Variants in CDH20 observed in about 807,000 individuals in gnomAD.
CDH20 encodes the protein cadherin 20.
Under a neutral mutation model 74.2 loss-of-function variants are expected in CDH20, and 29 were observed. The ratio of observed to expected loss-of-function variants is 0.39; its 90% CI spans 0.29 to 0.53. CDH20 has a LOEUF of 0.53. Ranked by LOEUF, CDH20 falls within the 20% of genes least tolerant of loss-of-function variation. The pLI, the probability that CDH20 is intolerant of heterozygous loss-of-function variation, is 0.69. For synonymous variants in CDH20, 469 were observed against 405.4 expected, an observed-to-expected ratio of 1.16 and a Z score of -1.88; for missense variants, 988 against 1,048.3, an observed-to-expected ratio of 0.94 and a Z score of 0.79.
intron 11 of CDH20, among the ~76,000 whole-genome samples, chr18:61,551,677 C>G (rs572444266): frequency 5.1e-4 from 78 of 152,270 alleles, no homozygotes; most frequent in African/African-American, 1.8e-3. Flanking sequence ...TAAAACCTCC[C>G]TGCAATTCCT....
At chr18:61,355,139 T>G (rs1333408354) in intron 1 of CDH20, among the ~76,000 whole-genome samples, 2 of 152,248 alleles carry the variant, frequency 1.3e-5, no homozygotes, top group Non-Finnish European at 1.5e-5. Context: ...GATGAAAGTT[T>G]ACCTTATTTC....
intron 1 of CDH20, among the ~76,000 whole-genome samples, chr18:61,395,833 G>A (rs775439990): frequency 3.2e-4 from 48 of 152,222 alleles, no homozygotes; most frequent in African/African-American, 5.1e-4. Flanking sequence ...AGGAGATCGC[G>A]ACCATCCTGG....
At chr18:61,502,854 T>C in intron 4 of CDH20, 99 bp from the exon 5 acceptor site, 1 of 952,196 alleles carries the variant, frequency 1.1e-6, no homozygotes, top group Non-Finnish European at 1.5e-6. Flanking sequence ...ACCTCACTTC[T>C]AGGCATTAAT....
intron 1 of CDH20, among the ~76,000 whole-genome samples, chr18:61,461,571 AG>A (rs1350608152): frequency 6.6e-6 from 1 of 152,164 alleles, no homozygotes; most frequent in Non-Finnish European, 1.5e-5. Context: ...TATTCTTAGA[AG>A]GACATCAGTC....
intron 6 of CDH20, among the ~76,000 whole-genome samples, chr18:61,527,366 A>AGATAG (rs1555683341): frequency 1.4e-5 from 2 of 142,054 alleles, no homozygotes; most frequent in African/African-American, 5.2e-5. Flanking sequence ...TGAATATTCT[A>AGATAG]ATAGATAGAT....
intron 1 of CDH20, among the ~76,000 whole-genome samples, chr18:61,370,704 T>C (rs1171658832): frequency 6.6e-6 from 1 of 152,138 alleles, no homozygotes; most frequent in African/African-American, 2.4e-5. Flanking sequence ...TTATTAACTG[T>C]AGTCTGATTG....
intron 1 of CDH20, among the ~76,000 whole-genome samples, chr18:61,449,928 TAAAGA>T (rs972731086): frequency 3.9e-5 from 6 of 152,020 alleles, no homozygotes; most frequent in African/African-American, 1.4e-4. Context: ...TCTCTAGAAA[TAAAGA>T]AAACTTAGGC....
In CDH20 at chr18:61,536,557, C is replaced by T; in HGVS notation, c.1336C>T (p.Leu446=). ...FFYVDITTGA[L]MTARPLDREE... Reference sequence around the variant, plus strand: ...CTATGTTGACATTACAACAGGTGCCCTAATGACAGCAAGACCCCTAGACCG... The same window carrying T: ...CTATGTTGACATTACAACAGGTGCCTTAATGACAGCAAGACCCCTAGACCG... Residue 446 remains leucine, a synonymous_variant, in exon 8 of 12, where the codon CTA becomes TTA. Coordinates refer to ENST00000262717, the MANE Select transcript of CDH20 (RefSeq NM_031891.4). The T allele has an allele frequency of 6.2e-7, 1 of 1,613,262 alleles. No individual in the cohort carries two copies.
chr18:61,395,924 T>C (rs1911953252), intron 1 of CDH20, among the ~76,000 whole-genome samples: 1 of 152,146 alleles, frequency 6.6e-6, no homozygotes, highest in Non-Finnish European at 1.5e-5. Context: ...TCCCAGCTAC[T>C]TTTTCGATAG....
intron 1 of CDH20, among the ~76,000 whole-genome samples, chr18:61,403,747 TC>T (rs1329841568): frequency 6.6e-6 from 1 of 152,066 alleles, no homozygotes; most frequent in Non-Finnish European, 1.5e-5. Flanking sequence ...GAACCAACAA[TC>T]CCATTACTGG....
chr18:61,538,580 TTTTG>T lies in CDH20; in HGVS notation c.1409-428_1409-425del, dbSNP rs1555684273. ...CAGACTCACCAAGTAAATAACTACT[TTTTG>T]TTTGTTTGTTTGTTTTTGTTTTTGT... On this transcript the variant is annotated intron_variant, in intron 8 of 11. Coordinates refer to ENST00000262717, the MANE Select transcript of CDH20 (RefSeq NM_031891.4). 1.8e-4 allele frequency among the ~76,000 whole-genome samples: 3 copies of T among 16,878 alleles called. 1 individual carries two copies. Among genetic ancestry groups the T allele is most frequent in the African/African-American group, 5.5e-4 (3 of 5,432 alleles). The allele number at this position is 16,878 out of a possible 152,430, so 11.1% of individuals were successfully genotyped here.
intron 1 of CDH20, among the ~76,000 whole-genome samples, chr18:61,358,000 T>A (rs1400641619): frequency 5.9e-5 from 9 of 152,194 alleles, no homozygotes; most frequent in African/African-American, 2.2e-4. Flanking sequence ...CTATGCACCA[T>A]TCAGATTTCT....
intron 1 of CDH20, among the ~76,000 whole-genome samples, chr18:61,386,611 AC>A (rs1320373024): frequency 2.0e-5 from 3 of 152,346 alleles, no homozygotes; most frequent in East Asian, 3.9e-4. Context: ...ATGATAATTT[AC>A]ATAGAAATAT....
At chr18:61,338,687 C>A (rs1423263506) in intron 1 of CDH20, among the ~76,000 whole-genome samples, 1 of 152,138 alleles carries the variant, frequency 6.6e-6, no homozygotes, top group Non-Finnish European at 1.5e-5. Flanking sequence ...TAAGGGCCAG[C>A]ATGTAAAATA....
At chr18:61,359,777 C>T (rs1210475198) in intron 1 of CDH20, among the ~76,000 whole-genome samples, 1 of 152,148 alleles carries the variant, frequency 6.6e-6, no homozygotes, top group South Asian at 2.1e-4. Context: ...ATCTTTCTGG[C>T]CTTAGGTTCT....
chr18:61,531,267 G>T (rs961669090), intron 7 of CDH20, among the ~76,000 whole-genome samples: 1 of 152,212 alleles, frequency 6.6e-6, no homozygotes, highest in East Asian at 1.9e-4. Context: ...CTGTGGGTTA[G>T]TTATTTCTAT....
chr18:61,502,483 T>C (rs1911416922), intron 4 of CDH20, among the ~76,000 whole-genome samples: 1 of 152,110 alleles, frequency 6.6e-6, no homozygotes, highest in African/African-American at 2.4e-5. Context: ...AAAGCAGGAA[T>C]GAGTTACCTA....
intron 7 of CDH20, among the ~76,000 whole-genome samples, chr18:61,534,208 C>A (rs775741681): frequency 6.6e-6 from 1 of 152,154 alleles, no homozygotes; most frequent in Non-Finnish European, 1.5e-5. Flanking sequence ...AACGTTAGAA[C>A]GTCTGTTGTC....
chr18:61,378,185 G>C (rs994970249), intron 1 of CDH20, among the ~76,000 whole-genome samples: 1 of 152,138 alleles, frequency 6.6e-6, no homozygotes, highest in African/African-American at 2.4e-5. Flanking sequence ...TAATATAATA[G>C]GTGTATGAAA....
Sources: gnomAD v4.1 joint callset for allele counts (sites outside exome capture counted in the v4.1 genomes callset) on GRCh38, gnomAD v4.1.1 for gene constraint, MANE v1.5 for transcripts, NCBI Gene and HGNC (gene_info 2026-07-23, HGNC 2026-07-21) for gene names.